The following ERCC6L2 variants were observed in gnomAD, a reference collection of about 807,000 sequenced individuals.
ERCC6L2 encodes ERCC excision repair 6 like 2.
Under a neutral mutation model 132.0 loss-of-function variants are expected in ERCC6L2, and 77 were observed. The ratio of observed to expected loss-of-function variants is 0.58; its 90% CI spans 0.49 to 0.71. The LOEUF is 0.71. ERCC6L2 is among the 30% of genes least tolerant of loss of function. The pLI, the probability that ERCC6L2 is intolerant of heterozygous loss-of-function variation, is 0.00. For missense variants in ERCC6L2, 1,542 were observed against 1,837.6 expected (o/e 0.84, Z 2.94); for synonymous variants, 583 against 632.4 (o/e 0.92, Z 1.17).
At chr9:95,987,632 A>G (rs752533807) in intron 17 of ERCC6L2, among the ~76,000 whole-genome samples, 10 of 152,098 alleles carry the variant, frequency 6.6e-5, no homozygotes, top group Non-Finnish European at 1.2e-4. Context: ...GACTGCTTCC[A>G]TGGGCTAGCA....
downstream of ERCC6L2, among the ~76,000 whole-genome samples, chr9:96,018,866 G>A (rs540284358): frequency 1.8e-4 from 28 of 152,322 alleles, no homozygotes; most frequent in Admixed American, 1.6e-3. Context: ...CATGGACAGA[G>A]ATAATACTCA....
At chr9:95,974,592 A>G (rs951876992) in intron 16 of ERCC6L2, among the ~76,000 whole-genome samples, 1 of 152,092 alleles carries the variant, frequency 6.6e-6, no homozygotes, top group African/African-American at 2.4e-5. Flanking sequence ...ACCTACAATC[A>G]GTCATTATTC....
Position 95,974,658 on chromosome 9 carries a change from G to C in ERCC6L2, c.3337+1570G>C, listed in dbSNP as rs573480340. Among the ~76,000 whole-genome samples the C allele has an allele frequency of 9.9e-5, 15 of 152,144 alleles. 1 individual carries two copies. The South Asian group carries it at 2.7e-3, about 27-fold the overall frequency. ...GTGTGTTTCAAGACCACAGTCTGGT[G>C]CTAGTAATGAACATTGCTACTGTTG... On this transcript the variant is annotated intron_variant, in intron 16 of 18. Coordinates refer to ENST00000653738, the MANE Select transcript of ERCC6L2 (RefSeq NM_020207.7).
At chr9:95,880,782 G>T in intron 1 of ERCC6L2, 87 bp from the exon 2 acceptor site, 1 of 1,177,240 alleles carries the variant, frequency 8.5e-7, no homozygotes, top group Non-Finnish European at 1.2e-6. Context: ...ATTTATGTGA[G>T]GTATATATTG....
Position 95,922,480 on chromosome 9 carries a change from A to G in ERCC6L2, c.1413+62A>G. The G allele has an allele frequency of 5.1e-6, 5 of 974,224 alleles. No individual in the cohort carries two copies. The South Asian group carries it at 8.1e-5, about 16-fold the overall frequency. The allele number at this position is 974,224 out of a possible 1,614,324, so 60.3% of individuals were successfully genotyped here. On this transcript the variant is annotated intron_variant, in intron 8 of 18. Transcript: ENST00000653738. Reference sequence around the variant, plus strand: ...TGTTGTGAATATTTTATAAAGTTTTAAAATAGTTATTAAATAAAGTTTTTG... The same window carrying G: ...TGTTGTGAATATTTTATAAAGTTTTGAAATAGTTATTAAATAAAGTTTTTG...
At chr9:95,938,038 A>G (rs79544169) in intron 11 of ERCC6L2, among the ~76,000 whole-genome samples, 14,526 of 148,182 alleles carry the variant, frequency 0.098, 793 homozygotes, top group Admixed American at 0.14. Context: ...TTCTCCTTGT[A>G]TTTTTTTTCA....
intron 6 of ERCC6L2, 41 bp downstream of exon 6, chr9:95,916,475 A>AT (rs746844258): frequency 6.8e-3 from 8,436 of 1,248,272 alleles, no homozygotes; most frequent in South Asian, 0.011. Context: ...TTGTGGTCAT[A>AT]TTTTTTTTTT....
chr9:95,915,527 G>A, intron 4 of ERCC6L2, 141 bp from the exon 5 acceptor site: 1 of 799,746 alleles, frequency 1.3e-6, no homozygotes, highest in Non-Finnish European at 2.0e-6. Context: ...AACTAAGTGG[G>A]TAAGAATCCA....
chr9:95,909,150 C>T (rs1246005449), intron 4 of ERCC6L2, among the ~76,000 whole-genome samples: 1 of 152,038 alleles, frequency 6.6e-6, no homozygotes, highest in African/African-American at 2.4e-5. Flanking sequence ...TTCAGGAATA[C>T]AATTTGATGA....
chr9:95,960,437 G>A (rs1313147065), intron 13 of ERCC6L2, among the ~76,000 whole-genome samples: 2 of 152,110 alleles, frequency 1.3e-5, no homozygotes, highest in African/African-American at 4.8e-5. Context: ...TTAAATTATG[G>A]GTCTTGAGAT....
chr9:95,982,221 G>A (rs1024522453), intron 17 of ERCC6L2, among the ~76,000 whole-genome samples: 25 of 152,130 alleles, frequency 1.6e-4, no homozygotes, highest in African/African-American at 3.1e-4. Flanking sequence ...GGGAGGTAGC[G>A]TGGGGGAGTG....
chr9:95,938,706 G>A (rs1830666593), intron 11 of ERCC6L2, among the ~76,000 whole-genome samples: 1 of 151,922 alleles, frequency 6.6e-6, no homozygotes, highest in Non-Finnish European at 1.5e-5. Context: ...GCCTAGCTGT[G>A]TCATCATATT....
intron 2 of ERCC6L2, among the ~76,000 whole-genome samples, chr9:95,890,592 CTTTG>C (rs549629735): frequency 2.7e-4 from 41 of 152,298 alleles, no homozygotes; most frequent in African/African-American, 8.9e-4. Flanking sequence ...GCAAAAGCTA[CTTTG>C]TTTATTATAT....
At chr9:95,974,649 C>T (rs1266592449) in intron 16 of ERCC6L2, among the ~76,000 whole-genome samples, 1 of 152,064 alleles carries the variant, frequency 6.6e-6, no homozygotes, top group Non-Finnish European at 1.5e-5. Context: ...TTCAAGACCA[C>T]AGTCTGGTGC....
chr9:95,933,583 G>A (rs952022283), intron 11 of ERCC6L2, among the ~76,000 whole-genome samples: 2 of 152,130 alleles, frequency 1.3e-5, no homozygotes, highest in African/African-American at 2.4e-5. Flanking sequence ...AGTGGCTCAC[G>A]CGTGTATTCC....
chr9:96,025,179 C>A (rs1259299032), intron 19 of ERCC6L2, among the ~76,000 whole-genome samples: 2 of 152,216 alleles, frequency 1.3e-5, no homozygotes, highest in Admixed American at 1.3e-4. Context: ...GGATGTCAGG[C>A]TGGTTTCAGG....
chr9:95,943,732 G>A (rs2132893963), intron 12 of ERCC6L2, among the ~76,000 whole-genome samples: 1 of 152,178 alleles, frequency 6.6e-6, no homozygotes, highest in South Asian at 2.1e-4. Context: ...TATATAAGTG[G>A]CCATTAAGCA....
intron 3 of ERCC6L2, among the ~76,000 whole-genome samples, chr9:95,904,459 G>A (rs1007059440): frequency 7.2e-5 from 11 of 152,048 alleles, no homozygotes; most frequent in Non-Finnish European, 1.6e-4. Context: ...TTGATTGAAG[G>A]TGCTAACAGG....
At position 95,875,799 on chromosome 9, in the gene ERCC6L2, T is replaced by A; in HGVS notation, c.-240T>A. The A allele has an allele frequency of 1.7e-6, 1 of 572,540 alleles. No individual in the cohort carries two copies. Among genetic ancestry groups the A allele is most frequent in the Non-Finnish European group, 3.1e-6 (1 of 318,100 alleles). The allele number at this position is 572,540 out of a possible 1,614,324, so 35.5% of individuals were successfully genotyped here. A position where few individuals can be genotyped will look rare whatever the true frequency, so the allele number is the denominator to read the frequency against. On this transcript the variant is annotated 5_prime_UTR_variant, in exon 1 of 19. Transcript: ENST00000653738. ...ACCGCTTTGCCAGCCTCACACAGCGTCCCCTGGCTCTGCCGCCGCTCCGGA... is the reference window on the plus strand; with the variant it reads ...ACCGCTTTGCCAGCCTCACACAGCGACCCCTGGCTCTGCCGCCGCTCCGGA...
Sources: gnomAD v4.1 joint callset for allele counts (sites outside exome capture counted in the v4.1 genomes callset) on GRCh38, gnomAD v4.1.1 for gene constraint, MANE v1.5 for transcripts, NCBI Gene and HGNC (gene_info 2026-07-23, HGNC 2026-07-21) for gene names.